ZNF532: variants seen among roughly 807,000 people sequenced by gnomAD.
The protein encoded by ZNF532 is zinc finger protein 532.
ZNF532 carries 22 observed loss-of-function variants against 89.3 expected under a neutral mutation model. The ratio of observed to expected loss-of-function variants is 0.25; its 90% CI spans 0.18 to 0.35. The LOEUF is 0.35. Ranked by LOEUF, ZNF532 falls within the 10% of genes least tolerant of loss-of-function variation. The probability of loss-of-function intolerance (pLI) is 1.00; values close to 1 mark genes in which losing one functional copy is unlikely to be tolerated. For synonymous variants in ZNF532, 606 were observed against 649.6 expected (o/e 0.93, Z 1.02); for missense variants, 1,132 against 1,643.4 (o/e 0.69, Z 5.38).
chr18:58,961,361 G>C (rs937149280), intron 7 of ZNF532, among the ~76,000 whole-genome samples: 1 of 152,168 alleles, frequency 6.6e-6, no homozygotes, highest in South Asian at 2.1e-4. Flanking sequence ...AGTTTGCTAT[G>C]CAGAGTTTGC....
chr18:58,888,758 ATT>A (rs1177484221), intron 2 of ZNF532, among the ~76,000 whole-genome samples: 1 of 29,522 alleles, frequency 3.4e-5, no homozygotes, highest in Non-Finnish European at 5.0e-5. Context: ...TATATATAAA[ATT>A]AATATATATA....
intron 2 of ZNF532, among the ~76,000 whole-genome samples, chr18:58,873,985 G>A (rs1226642039): frequency 1.4e-5 from 2 of 143,198 alleles, no homozygotes; most frequent in African/African-American, 5.4e-5. Flanking sequence ...AGGATTAAAT[G>A]CATATATAAA....
rs745403750 is a variant in ZNF532 at position 58,919,121 on chromosome 18, C to T, written c.834C>T (p.Ser278=). The stretch of plus-strand genomic sequence containing the variant: ...GCATCGCTGCCATCGCGGCTCTCAG[C>T]GCTAAAAAGGCGGCTTCAGACTCCT... ...SSCIAAIAAL[S]AKKAASDSCK... is the part of the protein sequence containing the mutation. The change falls in exon 3 of 10, where the codon AGC becomes AGT. Residue 278 remains serine, a synonymous_variant. Transcript: ENST00000591808. This position sits in a 1 kb window ranked among gnomAD's most constrained non-coding sequence, Gnocchi z 6.1. 3.7e-5 allele frequency: 59 copies of T among 1,614,064 alleles called. No homozygotes were observed. Among genetic ancestry groups the T allele is most frequent in the Non-Finnish European group, 4.2e-5 (50 of 1,180,044 alleles).
At chr18:58,968,945 T>C (rs2066190754) in intron 7 of ZNF532, among the ~76,000 whole-genome samples, 1 of 152,120 alleles carries the variant, frequency 6.6e-6, no homozygotes, top group Admixed American at 6.5e-5. Flanking sequence ...GACATTACCT[T>C]GAAACCTAAA....
chr18:58,951,926 G>A (rs540097290), intron 6 of ZNF532, among the ~76,000 whole-genome samples: 81 of 152,226 alleles, frequency 5.3e-4, no homozygotes, highest in African/African-American at 1.8e-3. Context: ...TGGGATTACA[G>A]GCGTGAGCCA....
intron 2 of ZNF532, among the ~76,000 whole-genome samples, chr18:58,902,017 G>A (rs564681322): frequency 1.3e-5 from 2 of 152,116 alleles, no homozygotes; most frequent in Non-Finnish European, 1.5e-5. Flanking sequence ...CTCTAACAGC[G>A]GTTTCTCCAT....
At chr18:58,915,496 GGGT>G (rs1351794139) in intron 2 of ZNF532, among the ~76,000 whole-genome samples, 1 of 152,206 alleles carries the variant, frequency 6.6e-6, no homozygotes, top group Non-Finnish European at 1.5e-5. Context: ...ACCCCTTGAG[GGGT>G]TTGCAGGCAT....
At chr18:58,971,147 G>A (rs956595815) in intron 7 of ZNF532, among the ~76,000 whole-genome samples, 1 of 152,136 alleles carries the variant, frequency 6.6e-6, no homozygotes, top group African/African-American at 2.4e-5. Context: ...TTTTGTTTTT[G>A]TTGTTTTAAA....
intron 2 of ZNF532, among the ~76,000 whole-genome samples, chr18:58,898,601 C>T (rs2059396800): frequency 6.6e-6 from 1 of 152,200 alleles, no homozygotes; most frequent in South Asian, 2.1e-4. Context: ...CCCGGCAGCC[C>T]AGCGTGAATG....
intron 2 of ZNF532, among the ~76,000 whole-genome samples, chr18:58,879,123 G>C (rs1384911422): frequency 6.6e-6 from 1 of 152,242 alleles, no homozygotes; most frequent in African/African-American, 2.4e-5. Context: ...TTTAGTGAAG[G>C]TGGCCAGTGG....
intron 2 of ZNF532, among the ~76,000 whole-genome samples, chr18:58,872,172 G>A (rs924616182): frequency 3.3e-5 from 5 of 152,162 alleles, no homozygotes; most frequent in African/African-American, 9.7e-5. Context: ...ACTCTTTAAG[G>A]ATGGTCTTCA....
At position 58,952,775 on chromosome 18, in the gene ZNF532, C is replaced by A. The variant is rs560742330; in HGVS notation, c.2869-743C>A. The stretch of plus-strand genomic sequence containing the variant: ...ACCAAAGTGAGCTGGTCTTTAGAAT[C>A]AAATTGCACTAATTTTGCCCTTTTC... On this transcript the variant is annotated intron_variant, in intron 6 of 9. Coordinates refer to ENST00000591808, the MANE Select transcript of ZNF532 (RefSeq NM_001375912.1). 2.9e-3 allele frequency among the ~76,000 whole-genome samples: 436 copies of A among 152,284 alleles called. 3 individuals are homozygous for A. Among genetic ancestry groups the A allele is most frequent in the Non-Finnish European group, 4.3e-3 (292 of 68,024 alleles).
intron 2 of ZNF532, among the ~76,000 whole-genome samples, chr18:58,895,738 G>A (rs1259458264): frequency 6.6e-6 from 1 of 152,114 alleles, no homozygotes; most frequent in Non-Finnish European, 1.5e-5. Flanking sequence ...ACTCCTTGTT[G>A]CTAAAGGTTG....
intron 2 of ZNF532, among the ~76,000 whole-genome samples, chr18:58,888,741 T>TTTTATATATATATAA (rs2058533231): frequency 1.3e-4 from 4 of 30,444 alleles, no homozygotes; most frequent in African/African-American, 4.8e-4. Flanking sequence ...TATATATATA[T>TTTTATATATATATAA]TTTATATATA....
chr18:58,869,762 G>GT (rs59118998), intron 2 of ZNF532, among the ~76,000 whole-genome samples: 12,756 of 111,504 alleles, frequency 0.11, 1,335 homozygotes, highest in East Asian at 0.38. Context: ...TGGAAGATCT[G>GT]TTTTTTTTTT....
chr18:58,926,784 T>G lies in ZNF532; in HGVS notation c.2346+6151T>G, dbSNP rs1226631179. ...ATATATTTTTTGTGTATCCTTTGACTCTGTTGAACTCAGTTATTGGTTTCA... is the reference window on the plus strand; with the variant it reads ...ATATATTTTTTGTGTATCCTTTGACGCTGTTGAACTCAGTTATTGGTTTCA... On this transcript the variant is annotated intron_variant, in intron 3 of 9. Coordinates refer to ENST00000591808, the MANE Select transcript of ZNF532 (RefSeq NM_001375912.1). Among the ~76,000 whole-genome samples the G allele has an allele frequency of 3.3e-5, 5 of 152,242 alleles. No homozygotes were observed. The East Asian group carries it at 9.6e-4, about 29-fold the overall frequency.
chr18:58,965,970 C>T (rs1435075396), intron 7 of ZNF532, among the ~76,000 whole-genome samples: 1 of 152,058 alleles, frequency 6.6e-6, no homozygotes, highest in Admixed American at 6.6e-5. Context: ...GCTCTCGAGG[C>T]AGAGAGCACA....
At chr18:58,880,094 A>G (rs1602564457) in intron 2 of ZNF532, among the ~76,000 whole-genome samples, 1 of 152,332 alleles carries the variant, frequency 6.6e-6, no homozygotes, top group East Asian at 1.9e-4. Flanking sequence ...GGAGTTGGAC[A>G]AAAAAGAAAG....
intron 5 of ZNF532, 36 bp downstream of exon 5, chr18:58,939,657 C>T: frequency 1.3e-6 from 2 of 1,577,924 alleles, no homozygotes; most frequent in South Asian, 2.3e-5. Flanking sequence ...TACTCCACTG[C>T]TTTATTAGCA....
Sources: allele counts gnomAD v4.1 joint callset (sites outside exome capture counted in the v4.1 genomes callset), GRCh38; gene constraint gnomAD v4.1.1; non-coding constraint Gnocchi (gnomAD v3.1); transcripts MANE v1.5; gene names NCBI Gene and HGNC (gene_info 2026-07-23, HGNC 2026-07-21).